HIP1: variants seen among roughly 807,000 people sequenced by gnomAD.
HIP1 encodes huntingtin interacting protein 1, also known as huntingtin-interacting protein 1.
Under a neutral mutation model 147.6 loss-of-function variants are expected in HIP1, and 65 were observed. The observed-to-expected ratio is 0.44, with a 90% confidence interval of 0.36 to 0.54. HIP1 has a LOEUF of 0.54. Ranked by LOEUF, HIP1 falls within the 20% of genes least tolerant of loss-of-function variation. The probability of loss-of-function intolerance (pLI) is 0.00; values close to 1 mark genes in which losing one functional copy is unlikely to be tolerated. For synonymous variants in HIP1, 479 were observed against 504.0 expected (o/e 0.95, Z 0.67); for missense variants, 1,061 against 1,299.6 (o/e 0.82, Z 2.82).
chr7:75,555,343 A>G (rs1794956700), intron 19 of HIP1, 73 bp downstream of exon 19: 1 of 1,573,372 alleles, frequency 6.4e-7, no homozygotes, highest in Admixed American at 1.7e-5. Flanking sequence ...TAAGTCTCAC[A>G]TGAGATTCAA....
chr7:75,573,349 CAG>C (rs1169605428), intron 8 of HIP1, among the ~76,000 whole-genome samples: 3 of 152,222 alleles, frequency 2.0e-5, no homozygotes, highest in African/African-American at 7.2e-5. Context: ...TGCCTACAGA[CAG>C]AGAGCGGTAC....
intron 2 of HIP1, among the ~76,000 whole-genome samples, chr7:75,593,891 T>G (rs1554501237): frequency 6.6e-6 from 1 of 151,910 alleles, no homozygotes; most frequent in Non-Finnish European, 1.5e-5. Flanking sequence ...CTCCACACCT[T>G]AAATTCCCCA....
At chr7:75,658,472 A>G (rs1183288502) in intron 1 of HIP1, among the ~76,000 whole-genome samples, 1 of 152,158 alleles carries the variant, frequency 6.6e-6, no homozygotes, top group Non-Finnish European at 1.5e-5. Flanking sequence ...GGTCATCTGA[A>G]GAGCTGCCAG....
At chr7:75,674,782 T>C (rs1051347199) in intron 1 of HIP1, among the ~76,000 whole-genome samples, 1 of 151,660 alleles carries the variant, frequency 6.6e-6, no homozygotes, top group Non-Finnish European at 1.5e-5. Context: ...TGAGCCACCG[T>C]GCCAGGCCGG....
Position 75,706,190 on chromosome 7 carries a change from C to T in HIP1, c.120+32611G>A, listed in dbSNP as rs114975177. On this transcript the variant is annotated intron_variant, in intron 1 of 30. Transcript: ENST00000336926. The stretch of plus-strand genomic sequence containing the variant: ...GATTACAGGAGTAAGCCACCATGCC[C>T]GGGTTACTTTTAATATTTTGAGGAA... Among the ~76,000 whole-genome samples, 627 of 152,242 alleles carry T rather than the reference C, an allele frequency of 4.1e-3. 4 individuals carry two copies. Among genetic ancestry groups the T allele is most frequent in the African/African-American group, 0.014 (600 of 41,554 alleles).
intron 1 of HIP1, among the ~76,000 whole-genome samples, chr7:75,670,546 T>C (rs1799701653): frequency 6.6e-6 from 1 of 152,076 alleles, no homozygotes; most frequent in African/African-American, 2.4e-5. Context: ...TTCATCTTTG[T>C]AAAACTGAAA....
rs1584826944 is a variant in HIP1, at chr7:75,580,425, G to A, written c.604+812C>T. 2.6e-5 allele frequency among the ~76,000 whole-genome samples: 4 copies of A among 152,058 alleles called. No homozygotes were observed. In the South Asian group the frequency reaches 6.2e-4, roughly 24 times the overall value. On this transcript the variant is annotated intron_variant, in intron 7 of 30. Transcript: ENST00000336926. ...CAGTGTGTGGTCTTTCTGCTCAGAC[G>A]TGAAACCACCCGCTTGGAAAATATC...
At position 75,589,683 on chromosome 7, in the gene HIP1, C is replaced by CAAAAAAAA. The variant is rs1159535613; in HGVS notation, c.384+2365_384+2372dup. Among the ~76,000 whole-genome samples the CAAAAAAAA allele has an allele frequency of 6.6e-4, 33 of 49,638 alleles. 1 individual carries two copies. Among genetic ancestry groups the CAAAAAAAA allele is most frequent in the African/African-American group, 2.8e-3 (32 of 11,462 alleles). The allele number at this position is 49,638 out of a possible 152,430, so 32.6% of individuals were successfully genotyped here. ...AGGCAACAGAGCAAGACTCTGTCTC[C>CAAAAAAAA]AAAAAAAAAAAAAAAAAAAAAAAAA... On this transcript the variant is annotated intron_variant, in intron 4 of 30. Coordinates refer to ENST00000336926, the MANE Select transcript of HIP1 (RefSeq NM_005338.7).
chr7:75,543,480 C>T (rs923647355), intron 27 of HIP1, among the ~76,000 whole-genome samples: 5 of 152,038 alleles, frequency 3.3e-5, no homozygotes, highest in African/African-American at 1.2e-4. Flanking sequence ...GCCTCCCAAG[C>T]AGCTGGGATT....
intron 1 of HIP1, among the ~76,000 whole-genome samples, chr7:75,669,057 A>G (rs564613386): frequency 7.4e-4 from 111 of 150,410 alleles, no homozygotes; most frequent in African/African-American, 2.0e-3. Flanking sequence ...GTTTCTACTT[A>G]AAACAAACAA....
In HIP1 at chr7:75,607,382, C is replaced by T. The variant is rs1326702917; in HGVS notation, c.121-8135G>A. Among the ~76,000 whole-genome samples the T allele has an allele frequency of 5.9e-5, 9 of 151,444 alleles. No homozygotes were observed. In the East Asian group the frequency reaches 1.8e-3, roughly 29 times the overall value. On this transcript the variant is annotated intron_variant, in intron 1 of 30. Transcript: ENST00000336926. ...TAGCTGGGATTGCAGGTGCACACCA[C>T]CAAGCCCGGCTAATTTTTGTATTTT...
rs1250338423 is a variant in HIP1 at position 75,568,769 on chromosome 7, G to A, written c.746-513C>T. 6.6e-6 allele frequency among the ~76,000 whole-genome samples: 1 copy of A among 152,228 alleles called. No homozygotes were observed. Among genetic ancestry groups the A allele is most frequent in the Non-Finnish European group, 1.5e-5 (1 of 68,038 alleles). On this transcript the variant is annotated intron_variant, in intron 8 of 30. Transcript: ENST00000336926. This position sits in a 1 kb window ranked among gnomAD's most constrained non-coding sequence, Gnocchi z 4.1. ...CACGCATGTAATCCCAGCACTTTGGGAGGCTGAGGCAGGAGAATCACTTGA... is the reference window on the plus strand; with the variant it reads ...CACGCATGTAATCCCAGCACTTTGGAAGGCTGAGGCAGGAGAATCACTTGA...
chr7:75,738,363 G>C lies in HIP1; in HGVS notation c.120+438C>G, dbSNP rs557695092. Among the ~76,000 whole-genome samples, 3 of 152,118 alleles carry C rather than the reference G, an allele frequency of 2.0e-5. No individual in the cohort carries two copies. In the South Asian group the frequency reaches 6.2e-4, roughly 31 times the overall value. ...AATGCAACCAAGAAGTGATCGGAGG[G>C]GAAGAGAGGTCCCCTCACCCTTCAC... On this transcript the variant is annotated intron_variant, in intron 1 of 30. Coordinates refer to ENST00000336926, the MANE Select transcript of HIP1 (RefSeq NM_005338.7).
chr7:75,614,561 A>G (rs10271733), intron 1 of HIP1, among the ~76,000 whole-genome samples: 3,472 of 152,202 alleles, frequency 0.023, 114 homozygotes, highest in African/African-American at 0.075. Flanking sequence ...GGGGCCTGGT[A>G]GGAGAGGGGT....
chr7:75,665,312 G>A (rs958268582), intron 1 of HIP1, among the ~76,000 whole-genome samples: 6 of 152,092 alleles, frequency 3.9e-5, no homozygotes, highest in African/African-American at 7.2e-5. Flanking sequence ...GCTGCAGGAA[G>A]CAGAGGGCAT....
intron 1 of HIP1, among the ~76,000 whole-genome samples, chr7:75,627,148 A>G (rs1798071886): frequency 6.6e-6 from 1 of 152,206 alleles, no homozygotes; most frequent in Non-Finnish European, 1.5e-5. Flanking sequence ...ATCAGGGTCC[A>G]GTGCACTCAA....
At chr7:75,687,910 T>C (rs542370877) in intron 1 of HIP1, among the ~76,000 whole-genome samples, 54 of 152,184 alleles carry the variant, frequency 3.5e-4, no homozygotes, top group Non-Finnish European at 6.8e-4. Flanking sequence ...TGTGATGTTT[T>C]CACTGCTGAA....
intron 2 of HIP1, among the ~76,000 whole-genome samples, chr7:75,592,900 C>T (rs587679993): frequency 2.6e-5 from 4 of 152,248 alleles, no homozygotes; most frequent in East Asian, 3.9e-4. Flanking sequence ...CTGTAGGCCA[C>T]GGTGGTATTG....
chr7:75,568,116 A>C lies in HIP1; in HGVS notation c.803+83T>G. The stretch of plus-strand genomic sequence containing the variant: ...CAGGCATGAACCACTGTGTCCAGCC[A>C]CCTCTCACAGTGCACTTGCATGGCT... On this transcript the variant is annotated intron_variant, in intron 9 of 30. Coordinates refer to ENST00000336926, the MANE Select transcript of HIP1 (RefSeq NM_005338.7). This position sits in a 1 kb window ranked among gnomAD's most constrained non-coding sequence, Gnocchi z 4.1. The C allele has an allele frequency of 1.0e-6, 1 of 987,960 alleles. No individual in the cohort carries two copies. Among genetic ancestry groups the C allele is most frequent in the Non-Finnish European group, 1.6e-6 (1 of 611,836 alleles). 61.2% of individuals were successfully genotyped at this position (987,960 alleles called of 1,614,324 possible). A position where few individuals can be genotyped will look rare whatever the true frequency, so the allele number is the denominator to read the frequency against.
Sources: gnomAD v4.1 joint callset for allele counts (sites outside exome capture counted in the v4.1 genomes callset) on GRCh38, gnomAD v4.1.1 for gene constraint, Gnocchi (gnomAD v3.1) non-coding constraint, MANE v1.5 for transcripts, NCBI Gene and HGNC (gene_info 2026-07-23, HGNC 2026-07-21) for gene names.